Variants in PARP14 observed in about 807,000 individuals in gnomAD.
PARP14 encodes protein mono-ADP-ribosyltransferase PARP14.
A neutral mutation model predicts 154.2 loss-of-function variants in PARP14; 59 were observed. The observed-to-expected ratio is 0.38, with a 90% CI of 0.31 to 0.48. The LOEUF (loss-of-function observed/expected upper bound fraction) is 0.48, where lower values mean the gene tolerates loss of function less well. PARP14 is among the 20% of genes least tolerant of loss of function. The pLI, the probability that PARP14 is intolerant of heterozygous loss-of-function variation, is 0.98. For synonymous variants in PARP14, 720 were observed against 780.5 expected (o/e 0.92, Z 1.29); for missense variants, 1,734 against 2,131.6 (o/e 0.81, Z 3.67).
chr3:122,713,765 G>C (rs1939395446), intron 10 of PARP14, 107 bp from the exon 11 acceptor site: 2 of 920,346 alleles, frequency 2.2e-6, no homozygotes, highest in Non-Finnish European at 3.5e-6. Flanking sequence ...TACCCAATTA[G>C]AGGATTCCTC....
At chr3:122,707,909 T>C (rs1438506079) in intron 8 of PARP14, among the ~76,000 whole-genome samples, 1 of 152,260 alleles carries the variant, frequency 6.6e-6, no homozygotes, top group East Asian at 1.9e-4. Context: ...TGTTGAATTT[T>C]TAACTGTTTT....
At chr3:122,691,580 T>C (rs1023490954) in intron 3 of PARP14, among the ~76,000 whole-genome samples, 5 of 152,224 alleles carry the variant, frequency 3.3e-5, no homozygotes, top group Admixed American at 6.5e-5. Context: ...GTGATACCCA[T>C]GTTTGGGCAT....
Position 122,720,344 on chromosome 3 carries a change from G to A in PARP14, c.4897G>A (p.Ala1633Thr), listed in dbSNP as rs1167463877. 1.2e-6 allele frequency: 2 copies of A among 1,613,088 alleles called. No homozygotes were observed. Among genetic ancestry groups the A allele is most frequent in the Admixed American group, 3.3e-5 (2 of 59,916 alleles). The change falls in exon 15 of 17, where the codon GCA becomes ACA. Residue 1633 changes from alanine to threonine, a missense_variant. Physicochemically the swap from Ala to Thr is moderately conservative, Grantham distance 58. Coordinates refer to ENST00000474629, the MANE Select transcript of PARP14 (RefSeq NM_017554.3). ...TAGTGATCCTGAGTACAACACGGTG[G>A]CAAGCAAGTTTAATCAGACCTGCTC... Reference protein sequence around the residue: ...LPSDPEYNTVASKFNQTCSHF... With the variant: ...LPSDPEYNTVTSKFNQTCSHF...
chr3:122,689,556 G>A (rs938825981), intron 3 of PARP14, among the ~76,000 whole-genome samples: 11 of 152,078 alleles, frequency 7.2e-5, no homozygotes, highest in African/African-American at 2.4e-4. Context: ...TGACCCTCCC[G>A]CCTTGGCCTC....
chr3:122,699,924 C>T lies in PARP14; in HGVS notation c.1370C>T (p.Thr457Ile). 1 of 1,613,926 alleles carries T rather than the reference C, an allele frequency of 6.2e-7. No homozygotes were observed. Among genetic ancestry groups the T allele is most frequent in the East Asian group, 2.2e-5 (1 of 44,884 alleles). ...VQVRELIEST[T>I]QKIKREEQSL... Reference sequence around the variant, plus strand: ...GTCAGGGAGTTAATAGAAAGCACTACTCAAAAAATTAAAAGGGAAGAGCAA... The same window carrying T: ...GTCAGGGAGTTAATAGAAAGCACTATTCAAAAAATTAAAAGGGAAGAGCAA... The change falls in exon 6 of 17, where the codon ACT becomes ATT. Residue 457 changes from threonine to isoleucine, a missense_variant. Thr to Ile is a moderately conservative substitution (Grantham distance 89). This residue lies in a region of PARP14 where 1,646 missense variants were observed against 1,976.0 expected (regional missense o/e 0.83). Coordinates refer to ENST00000474629, the MANE Select transcript of PARP14 (RefSeq NM_017554.3).
At chr3:122,707,130 T>A (rs1939180182) in intron 8 of PARP14, among the ~76,000 whole-genome samples, 1 of 152,146 alleles carries the variant, frequency 6.6e-6, no homozygotes, top group Non-Finnish European at 1.5e-5. Flanking sequence ...CTTTTAAAAG[T>A]GGGATTGGCT....
chr3:122,707,684 G>A (rs1560070388), intron 8 of PARP14, among the ~76,000 whole-genome samples: 1 of 152,110 alleles, frequency 6.6e-6, no homozygotes, highest in Non-Finnish European at 1.5e-5. Flanking sequence ...TATAGTCCCA[G>A]CTACTTGGGA....
chr3:122,716,236 A>T (rs890430426), intron 12 of PARP14, among the ~76,000 whole-genome samples: 1 of 152,206 alleles, frequency 6.6e-6, no homozygotes, highest in African/African-American at 2.4e-5. Flanking sequence ...CTCAAGCTCA[A>T]CGCAGACTCC....
rs941448418 is a variant in PARP14, at chr3:122,730,350, T to C, written c.*1753T>C. On this transcript the variant is annotated 3_prime_UTR_variant, in exon 17 of 17. Coordinates refer to ENST00000474629, the MANE Select transcript of PARP14 (RefSeq NM_017554.3). ...GCTTCTTCTATTACAGTCTCTTCAT[T>C]GGAAGCTCTGTAGGCCAAGGCCAGA... is the stretch of plus-strand genomic sequence containing the variant. 4.6e-5 allele frequency: 7 copies of C among 152,178 alleles called. No homozygotes were observed. Among genetic ancestry groups the C allele is most frequent in the African/African-American group, 1.4e-4 (6 of 41,420 alleles). 9.4% of individuals were successfully genotyped at this position (152,178 alleles called of 1,614,324 possible).
Position 122,718,968 on chromosome 3 carries a change from A to T in PARP14, c.4807+10A>T. 23 of 1,551,180 alleles carry T rather than the reference A, an allele frequency of 1.5e-5. No individual in the cohort carries two copies. Among genetic ancestry groups the T allele is most frequent in the Non-Finnish European group, 1.9e-5 (22 of 1,149,930 alleles). Reference sequence around the variant, plus strand: ...CTCACGAAATCCAAAGGTGAGTTAAACATTCATACTTGTCATCCACTATTT... The same window carrying T: ...CTCACGAAATCCAAAGGTGAGTTAATCATTCATACTTGTCATCCACTATTT... On this transcript the variant is annotated intron_variant, in intron 14 of 16. Transcript: ENST00000474629.
chr3:122,708,972 T>A (rs1395195015), intron 9 of PARP14, among the ~76,000 whole-genome samples: 1 of 152,242 alleles, frequency 6.6e-6, no homozygotes, highest in African/African-American at 2.4e-5. Flanking sequence ...CGTATGTGTA[T>A]GTTCTAAAAT....
intron 9 of PARP14, among the ~76,000 whole-genome samples, chr3:122,712,878 A>G (rs1167737953): frequency 6.6e-6 from 1 of 152,090 alleles, no homozygotes; most frequent in African/African-American, 2.4e-5. Context: ...GATTTTCTTT[A>G]TCCTTAAGGG....
At chr3:122,690,254 C>A (rs1467379644) in intron 3 of PARP14, among the ~76,000 whole-genome samples, 1 of 152,242 alleles carries the variant, frequency 6.6e-6, no homozygotes, top group Non-Finnish European at 1.5e-5. Flanking sequence ...GATTAAGAGA[C>A]ATGCCCAAGG....
chr3:122,711,316 G>A (rs1011243425), intron 9 of PARP14, among the ~76,000 whole-genome samples: 1 of 152,086 alleles, frequency 6.6e-6, no homozygotes, highest in Non-Finnish European at 1.5e-5. Context: ...GATTTTATCA[G>A]ATGCTTTTTC....
intron 3 of PARP14, among the ~76,000 whole-genome samples, chr3:122,687,939 G>A (rs1224089369): frequency 1.3e-5 from 2 of 152,208 alleles, no homozygotes; most frequent in Non-Finnish European, 2.9e-5. Flanking sequence ...TTGGAAAATG[G>A]CACTAGAGTG....
At position 122,697,234 on chromosome 3, in the gene PARP14, G is replaced by A. The variant is rs986804475; in HGVS notation, c.835+1572G>A. On this transcript the variant is annotated intron_variant, in intron 5 of 16. Coordinates refer to ENST00000474629, the MANE Select transcript of PARP14 (RefSeq NM_017554.3). ...CTCCTAAAGTGCTGGGATTATAGGC[G>A]TGAGTCACTGCACCCAGCTTAGCTT... Among the ~76,000 whole-genome samples, 7 of 152,284 alleles carry A rather than the reference G, an allele frequency of 4.6e-5. No homozygotes were observed. In the East Asian group the frequency reaches 5.8e-4, roughly 13 times the overall value.
At chr3:122,712,593 C>G (rs1284220657) in intron 9 of PARP14, among the ~76,000 whole-genome samples, 1 of 150,182 alleles carries the variant, frequency 6.7e-6, no homozygotes, top group Non-Finnish European at 1.5e-5. Context: ...CACTCTGTCA[C>G]TCAAGCTGGA....
chr3:122,688,260 T>A (rs1938434526), intron 3 of PARP14, among the ~76,000 whole-genome samples: 1 of 152,224 alleles, frequency 6.6e-6, no homozygotes. Context: ...TGGTTTTATA[T>A]GTGCATATTT....
chr3:122,707,380 C>CAAATAAATAAATAAATAAAT (rs60420136), intron 8 of PARP14, among the ~76,000 whole-genome samples: 285 of 139,666 alleles, frequency 2.0e-3, no homozygotes, highest in South Asian at 3.8e-3. Flanking sequence ...GACTCCATCT[C>CAAATAAATAAATAAATAAAT]AAATAAATAA....
Sources: gnomAD v4.1 joint callset for allele counts (sites outside exome capture counted in the v4.1 genomes callset) on GRCh38, gnomAD v4.1.1 for gene constraint, gnomAD v4.1.1 regional missense constraint, MANE v1.5 for transcripts, NCBI Gene and HGNC (gene_info 2026-07-23, HGNC 2026-07-21) for gene names.